SHISA6: variants seen among roughly 807,000 people sequenced by gnomAD.
SHISA6 encodes protein shisa-6.
Under a neutral mutation model 47.9 loss-of-function variants are expected in SHISA6, and 22 were observed. The ratio of observed to expected loss-of-function variants is 0.46; its 90% CI spans 0.33 to 0.66. The LOEUF is 0.66. Among genes scored for constraint, SHISA6 ranks in the 30% least tolerant of loss-of-function variants. The probability of loss-of-function intolerance (pLI) is 0.02; values close to 1 mark genes in which losing one functional copy is unlikely to be tolerated. For missense variants in SHISA6, 680 were observed against 764.6 expected (o/e 0.89, Z 1.30); for synonymous variants, 388 against 337.8 (o/e 1.15, Z -1.63).
intron 3 of SHISA6, among the ~76,000 whole-genome samples, chr17:11,461,319 C>A (rs1207872596): frequency 1.3e-5 from 2 of 150,302 alleles, no homozygotes; most frequent in East Asian, 4.0e-4. Flanking sequence ...ATGGTGTGAA[C>A]CTGGGAGGCG....
intron 2 of SHISA6, among the ~76,000 whole-genome samples, chr17:11,304,147 C>T (rs1444825305): frequency 2.0e-5 from 3 of 152,148 alleles, no homozygotes; most frequent in Non-Finnish European, 4.4e-5. Context: ...CAGTGGGTAA[C>T]GAGGGCCTGA....
intron 2 of SHISA6, among the ~76,000 whole-genome samples, chr17:11,367,453 T>G (rs1912492048): frequency 6.6e-6 from 1 of 152,116 alleles, no homozygotes; most frequent in African/African-American, 2.4e-5. Context: ...CAGGGAACAC[T>G]GGAGGTTTCA....
chr17:11,356,084 G>A (rs1685174982), intron 2 of SHISA6, among the ~76,000 whole-genome samples: 1 of 152,196 alleles, frequency 6.6e-6, no homozygotes, highest in Non-Finnish European at 1.5e-5. Flanking sequence ...AGAGGCACTG[G>A]TGCAAAGTTA....
chr17:11,481,464 A>T (rs2908927), intron 3 of SHISA6, among the ~76,000 whole-genome samples: 2 of 149,840 alleles, frequency 1.3e-5, no homozygotes, highest in Non-Finnish European at 3.0e-5. Context: ...TATAATATGA[A>T]AAATGAAATA....
At chr17:11,540,214 G>A (rs540702779) in intron 3 of SHISA6, among the ~76,000 whole-genome samples, 5 of 152,216 alleles carry the variant, frequency 3.3e-5, no homozygotes, top group South Asian at 2.1e-4. Context: ...CCTCTGTATC[G>A]ACTCTCCACC....
At chr17:11,381,298 A>C (rs942003691) in intron 3 of SHISA6, among the ~76,000 whole-genome samples, 1 of 152,216 alleles carries the variant, frequency 6.6e-6, no homozygotes, top group African/African-American at 2.4e-5. Flanking sequence ...AATAAATATG[A>C]TGGCTTTGGG....
rs116438942 is a variant in SHISA6, at chr17:11,502,446, G to A, written c.896-49450G>A. The stretch of plus-strand genomic sequence containing the variant: ...AAAAAAAAAAAAGACTAAAAACATC[G>A]GCCAGGTGCAGTGGCTCACAGCCGT... On this transcript the variant is annotated intron_variant, in intron 3 of 5. Coordinates refer to ENST00000441885, the MANE Select transcript of SHISA6 (RefSeq NM_207386.4). 7.0e-3 allele frequency among the ~76,000 whole-genome samples: 916 copies of A among 130,296 alleles called. 5 individuals are homozygous for A. Among genetic ancestry groups the A allele is most frequent in the African/African-American group, 0.016 (552 of 35,006 alleles). 85.5% of individuals were successfully genotyped at this position (130,296 alleles called of 152,430 possible). A position where few individuals can be genotyped will look rare whatever the true frequency, so the allele number is the denominator to read the frequency against.
At chr17:11,411,548 C>T (rs200867503) in intron 3 of SHISA6, among the ~76,000 whole-genome samples, 1 of 152,138 alleles carries the variant, frequency 6.6e-6, no homozygotes, top group Admixed American at 6.5e-5. Flanking sequence ...GGGCACATGC[C>T]ACCACATCCA....
chr17:11,438,006 T>C (rs897230262), intron 3 of SHISA6, among the ~76,000 whole-genome samples: 4 of 152,244 alleles, frequency 2.6e-5, no homozygotes, highest in Middle Eastern at 3.4e-3. Context: ...CTCGGCAGGT[T>C]GAGTCAGGGT....
At chr17:11,523,032 C>A (rs1016677309) in intron 3 of SHISA6, among the ~76,000 whole-genome samples, 1 of 152,132 alleles carries the variant, frequency 6.6e-6, no homozygotes, top group Admixed American at 6.5e-5. Flanking sequence ...CTTTTGCCAA[C>A]GTTTATGCCC....
At chr17:11,259,383 A>G (rs955421741) in intron 1 of SHISA6, among the ~76,000 whole-genome samples, 2 of 152,238 alleles carry the variant, frequency 1.3e-5, no homozygotes, top group African/African-American at 4.8e-5. Context: ...TGAGAAATAT[A>G]TGATCCAATG....
chr17:11,252,606 T>C (rs1306274098), intron 1 of SHISA6, among the ~76,000 whole-genome samples: 2 of 152,146 alleles, frequency 1.3e-5, no homozygotes, highest in African/African-American at 4.8e-5. Flanking sequence ...GTCAGGCAGG[T>C]TGGTGGCCAA....
intron 2 of SHISA6, among the ~76,000 whole-genome samples, chr17:11,317,562 A>G (rs1047509884): frequency 2.0e-5 from 3 of 151,956 alleles, no homozygotes; most frequent in Admixed American, 2.0e-4. Flanking sequence ...ATCCTTGAAA[A>G]ATAATTGAAT....
At chr17:11,331,359 TTAATG>T (rs1911104782) in intron 2 of SHISA6, among the ~76,000 whole-genome samples, 1 of 152,194 alleles carries the variant, frequency 6.6e-6, no homozygotes, top group Non-Finnish European at 1.5e-5. Context: ...TGCTAAATGC[TTAATG>T]TAAGTTCTCA....
In SHISA6 at chr17:11,336,375, G is replaced by T. The variant is rs561606610; in HGVS notation, c.800-43039G>T. Among the ~76,000 whole-genome samples the T allele has an allele frequency of 2.5e-3, 374 of 152,074 alleles. 4 individuals carry two copies. In the South Asian group the frequency reaches 0.026, roughly 10 times the overall value. ...TGCTGGGAGCTTAAAGGGGAACGTG[G>T]TAAGCTATTATGGGGGCAGAGAGAG... On this transcript the variant is annotated intron_variant, in intron 2 of 5. Coordinates refer to ENST00000441885, the MANE Select transcript of SHISA6 (RefSeq NM_207386.4).
intron 3 of SHISA6, among the ~76,000 whole-genome samples, chr17:11,520,329 A>T (rs2071619433): frequency 6.6e-6 from 1 of 152,088 alleles, no homozygotes; most frequent in Non-Finnish European, 1.5e-5. Flanking sequence ...TAGCATCCCT[A>T]ATTTCCTTAC....
intron 3 of SHISA6, among the ~76,000 whole-genome samples, chr17:11,410,822 T>A (rs1196593219): frequency 6.6e-6 from 1 of 152,178 alleles, no homozygotes; most frequent in Non-Finnish European, 1.5e-5. Flanking sequence ...TCAGAAAATC[T>A]GGGGTTGGGA....
chr17:11,331,131 C>T (rs1911093272), intron 2 of SHISA6, among the ~76,000 whole-genome samples: 1 of 152,148 alleles, frequency 6.6e-6, no homozygotes, highest in African/African-American at 2.4e-5. Flanking sequence ...GGGTGATCGG[C>T]CTCTCCACGG....
intron 3 of SHISA6, among the ~76,000 whole-genome samples, chr17:11,511,569 C>T (rs947746092): frequency 5.4e-5 from 8 of 148,778 alleles, no homozygotes; most frequent in Non-Finnish European, 1.0e-4. Flanking sequence ...TGGTATAGCC[C>T]CCACCCCCCA....
Sources: allele counts gnomAD v4.1 joint callset (sites outside exome capture counted in the v4.1 genomes callset), GRCh38; gene constraint gnomAD v4.1.1; transcripts MANE v1.5; gene names NCBI Gene and HGNC (gene_info 2026-07-23, HGNC 2026-07-21).